The following KCNB2 variants were observed in gnomAD, a reference collection of about 807,000 sequenced individuals.
The protein encoded by KCNB2 is delayed rectifier potassium channel protein.
In KCNB2, 15 loss-of-function variants were observed where a neutral mutation model predicts 61.5. That is an observed-to-expected ratio of 0.24 (90% CI 0.16 to 0.38). The LOEUF is 0.38. Among genes scored for constraint, KCNB2 ranks in the 10% least tolerant of loss-of-function variants. The pLI is 1.00. For synonymous variants in KCNB2, 457 were observed against 446.0 expected (o/e 1.02, Z -0.31); for missense variants, 828 against 1,125.2 (o/e 0.74, Z 3.78).
At chr8:72,889,937 G>T (rs536219172) in intron 2 of KCNB2, among the ~76,000 whole-genome samples, 1 of 152,058 alleles carries the variant, frequency 6.6e-6, no homozygotes, top group African/African-American at 2.4e-5. Flanking sequence ...TGTATTTTTA[G>T]TAGAGACAGG....
At chr8:72,558,382 G>GA (rs141277769) in intron 1 of KCNB2, among the ~76,000 whole-genome samples, 5,112 of 152,262 alleles carry the variant, frequency 0.034, 127 homozygotes, top group South Asian at 0.091. Context: ...GTTATAATGA[G>GA]AAAAGCACTA....
chr8:72,839,726 C>T (rs1307534529), intron 2 of KCNB2, among the ~76,000 whole-genome samples: 1 of 150,024 alleles, frequency 6.7e-6, no homozygotes, highest in East Asian at 2.0e-4. Flanking sequence ...CATTCTTCTG[C>T]CTCAGCCTCC....
chr8:72,635,065 T>A (rs1805942442), intron 2 of KCNB2, among the ~76,000 whole-genome samples: 1 of 152,184 alleles, frequency 6.6e-6, no homozygotes, highest in South Asian at 2.1e-4. Context: ...TAGTGCAGGC[T>A]CCACTTTCAG....
chr8:72,784,092 A>G (rs1413859398), intron 2 of KCNB2, among the ~76,000 whole-genome samples: 1 of 152,206 alleles, frequency 6.6e-6, no homozygotes, highest in African/African-American at 2.4e-5. Context: ...AATATTTAAT[A>G]TATTCAAGAT....
chr8:72,694,564 T>C (rs1022184321), intron 2 of KCNB2, among the ~76,000 whole-genome samples: 6 of 152,168 alleles, frequency 3.9e-5, no homozygotes, highest in Non-Finnish European at 7.4e-5. Flanking sequence ...GACTTTTACA[T>C]AGACAGACAT....
rs150126720 is a variant in KCNB2, at chr8:72,935,646, C to A, written c.580-289C>A. Among the ~76,000 whole-genome samples, 11 of 152,254 alleles carry A rather than the reference C, an allele frequency of 7.2e-5. No homozygotes were observed. In the East Asian group the frequency reaches 1.9e-3, roughly 27 times the overall value. On this transcript the variant is annotated intron_variant, in intron 2 of 2. Transcript: ENST00000523207. Reference sequence around the variant, plus strand: ...AAGAGAGGAGAGATAATTACTCCCCCCAAAAACTATTCCAGCCATATGTGG... The same window carrying A: ...AAGAGAGGAGAGATAATTACTCCCCACAAAAACTATTCCAGCCATATGTGG...
intron 2 of KCNB2, among the ~76,000 whole-genome samples, chr8:72,931,784 G>T: frequency 6.6e-6 from 1 of 152,152 alleles, no homozygotes; most frequent in East Asian, 1.9e-4. Flanking sequence ...GGCCAAGGTG[G>T]GTGAATCAAC....
rs117691678 is a variant in KCNB2, at chr8:72,646,316, A to G, written c.579+78003A>G. Among the ~76,000 whole-genome samples, 1,057 of 152,242 alleles carry G rather than the reference A, an allele frequency of 6.9e-3. 1 individual carries two copies. Among genetic ancestry groups the G allele is most frequent in the Admixed American group, 0.012 (176 of 15,282 alleles). ...GTGCTTAACATTTTATAATCCGTATATTATGAGAAGTCTAGTTAAGAGACA... is the reference window on the plus strand; with the variant it reads ...GTGCTTAACATTTTATAATCCGTATGTTATGAGAAGTCTAGTTAAGAGACA... On this transcript the variant is annotated intron_variant, in intron 2 of 2. Coordinates refer to ENST00000523207, the MANE Select transcript of KCNB2 (RefSeq NM_004770.3).
chr8:72,750,481 G>A (rs1448496498), intron 2 of KCNB2: 1 of 152,090 alleles, frequency 6.6e-6, no homozygotes, highest in African/African-American at 2.4e-5. Flanking sequence ...TATCCCATTG[G>A]TTCTTTGTAT....
intron 2 of KCNB2, among the ~76,000 whole-genome samples, chr8:72,882,543 G>GAGAA (rs1407460266): frequency 1.3e-5 from 2 of 151,428 alleles, no homozygotes; most frequent in Non-Finnish European, 2.9e-5. Flanking sequence ...GAGAGAGAGA[G>GAGAA]AGAGAGAGAG....
intron 2 of KCNB2, among the ~76,000 whole-genome samples, chr8:72,839,828 T>C (rs1368708781): frequency 6.6e-6 from 1 of 151,924 alleles, no homozygotes; most frequent in Non-Finnish European, 1.5e-5. Context: ...TTAGCCAGGA[T>C]GGTCTTGATC....
intron 2 of KCNB2, among the ~76,000 whole-genome samples, chr8:72,743,705 G>A (rs1808007724): frequency 6.6e-6 from 1 of 151,918 alleles, no homozygotes; most frequent in South Asian, 2.1e-4. Flanking sequence ...TATTTTTTCT[G>A]TCTTTCACAA....
chr8:72,677,265 G>T (rs1001490065), intron 2 of KCNB2, among the ~76,000 whole-genome samples: 2 of 152,160 alleles, frequency 1.3e-5, no homozygotes, highest in African/African-American at 4.8e-5. Context: ...CTAGGCTCCA[G>T]AACTGTGAGA....
chr8:72,631,423 C>T (rs1423439107), intron 2 of KCNB2, among the ~76,000 whole-genome samples: 2 of 152,188 alleles, frequency 1.3e-5, no homozygotes, highest in Admixed American at 6.6e-5. Flanking sequence ...GCTTTTGTGG[C>T]ATCACTCCAA....
At chr8:72,615,780 G>A (rs1460626715) in intron 2 of KCNB2, among the ~76,000 whole-genome samples, 2 of 152,148 alleles carry the variant, frequency 1.3e-5, no homozygotes, top group African/African-American at 2.4e-5. Context: ...CCCAAGTGAG[G>A]CACAGTTTTT....
intron 1 of KCNB2, among the ~76,000 whole-genome samples, chr8:72,544,656 C>G (rs1371454210): frequency 6.6e-6 from 1 of 152,126 alleles, no homozygotes; most frequent in African/African-American, 2.4e-5. Context: ...GTAGGTATTA[C>G]CCTCCTTTTT....
chr8:72,775,039 C>T (rs775695195), intron 2 of KCNB2, among the ~76,000 whole-genome samples: 11 of 152,212 alleles, frequency 7.2e-5, no homozygotes, highest in Non-Finnish European at 1.2e-4. Flanking sequence ...AGAGAAGTCA[C>T]AGCTCATCCC....
chr8:72,906,236 A>C (rs983544546), intron 2 of KCNB2, among the ~76,000 whole-genome samples: 1 of 152,184 alleles, frequency 6.6e-6, no homozygotes, highest in African/African-American at 2.4e-5. Flanking sequence ...AAAACAATTC[A>C]TTTCTGATGG....
chr8:72,926,397 G>A (rs1806649565), intron 2 of KCNB2, among the ~76,000 whole-genome samples: 1 of 151,998 alleles, frequency 6.6e-6, no homozygotes, highest in Admixed American at 6.6e-5. Context: ...TAGTTAAAAT[G>A]TGTTCACATG....
Sources: allele counts gnomAD v4.1 joint callset (sites outside exome capture counted in the v4.1 genomes callset), GRCh38; gene constraint gnomAD v4.1.1; transcripts MANE v1.5; gene names NCBI Gene and HGNC (gene_info 2026-07-23, HGNC 2026-07-21).